MARCHF1: variants seen among roughly 807,000 people sequenced by gnomAD.
MARCHF1 encodes the protein membrane associated ring-CH-type finger 1.
A neutral mutation model predicts 54.2 loss-of-function variants in MARCHF1; 40 were observed. That is an observed-to-expected ratio of 0.74 (90% CI 0.57 to 0.96). The LOEUF is 0.96. Among genes scored for constraint, MARCHF1 ranks in the 40% least tolerant of loss-of-function variants. MARCHF1 has a pLI of 0.00. For missense variants in MARCHF1, 586 were observed against 656.5 expected (o/e 0.89, Z 1.17); for synonymous variants, 236 against 236.3 (o/e 1.00, Z 0.01).
chr4:163,613,075 A>G, intron 6 of MARCHF1, 37 bp from the exon 7 acceptor site: 4 of 1,443,038 alleles, frequency 2.8e-6, no homozygotes, highest in Non-Finnish European at 3.6e-6. Context: ...GGAAATGGGA[A>G]TGGAGAGGAA....
At chr4:164,203,607 C>G (rs892320169) in intron 1 of MARCHF1, among the ~76,000 whole-genome samples, 1 of 152,126 alleles carries the variant, frequency 6.6e-6, no homozygotes, top group African/African-American at 2.4e-5. Context: ...ACTACCCTCA[C>G]CCTGTGCCAA....
chr4:163,561,560 A>T (rs772082350), intron 8 of MARCHF1, among the ~76,000 whole-genome samples: 3 of 152,212 alleles, frequency 2.0e-5, no homozygotes, highest in Non-Finnish European at 4.4e-5. Context: ...AAATTATACC[A>T]AATTATTTCA....
intron 3 of MARCHF1, among the ~76,000 whole-genome samples, chr4:163,881,548 G>GGA (rs1354869763): frequency 6.6e-6 from 1 of 152,232 alleles, no homozygotes; most frequent in African/African-American, 2.4e-5. Flanking sequence ...ATGCACTGGA[G>GGA]GAGAAGTAAT....
chr4:164,326,657 T>G (rs1236092438), intron 1 of MARCHF1, among the ~76,000 whole-genome samples: 1 of 152,168 alleles, frequency 6.6e-6, no homozygotes, highest in Non-Finnish European at 1.5e-5. Flanking sequence ...ATCTGACAAA[T>G]TCAAAGTGCT....
intron 5 of MARCHF1, 189 bp from the exon 6 acceptor site, chr4:163,613,582 G>A (rs184783730): frequency 6.7e-7 from 1 of 1,492,112 alleles, no homozygotes; most frequent in East Asian, 2.4e-5. Context: ...TGAGGAACCT[G>A]GAACAGCTGA....
chr4:164,042,236 T>A (rs1237309512), intron 2 of MARCHF1, among the ~76,000 whole-genome samples: 1 of 152,180 alleles, frequency 6.6e-6, no homozygotes, highest in Non-Finnish European at 1.5e-5. Flanking sequence ...TAGGGATTCA[T>A]TTCTGTATTA....
intron 2 of MARCHF1, among the ~76,000 whole-genome samples, chr4:164,072,945 G>T (rs1754900465): frequency 6.6e-6 from 1 of 152,190 alleles, no homozygotes; most frequent in South Asian, 2.1e-4. Context: ...GTGATATCAA[G>T]CGCAATACAA....
chr4:164,211,288 A>C (rs1731762275), intron 1 of MARCHF1, among the ~76,000 whole-genome samples: 1 of 150,016 alleles, frequency 6.7e-6, no homozygotes, highest in African/African-American at 2.4e-5. Flanking sequence ...GTATATATAT[A>C]TATATATACC....
intron 4 of MARCHF1, among the ~76,000 whole-genome samples, chr4:163,774,661 A>T (rs1429732226): frequency 6.6e-6 from 1 of 151,814 alleles, no homozygotes; most frequent in African/African-American, 2.4e-5. Context: ...AGCCCAGCTA[A>T]TTTTTTCTAT....
chr4:164,243,261 C>G (rs1032370440), intron 1 of MARCHF1, among the ~76,000 whole-genome samples: 6 of 143,006 alleles, frequency 4.2e-5, no homozygotes, highest in Non-Finnish European at 9.1e-5. Flanking sequence ...GGAAGCCCAT[C>G]AGACTAACAG....
rs1037047600 is a variant in MARCHF1, at chr4:163,603,818, C to T, written c.1010+8453G>A. ...ATGGCCAATCTTTCCACTTTAGGTCCTATACCTTCCTACCTTCTCTGTGGG... is the reference window on the plus strand; with the variant it reads ...ATGGCCAATCTTTCCACTTTAGGTCTTATACCTTCCTACCTTCTCTGTGGG... On this transcript the variant is annotated intron_variant, in intron 7 of 9. Coordinates refer to ENST00000514618, the MANE Select transcript of MARCHF1 (RefSeq NM_001394959.1). Among the ~76,000 whole-genome samples the T allele has an allele frequency of 2.6e-5, 4 of 152,100 alleles. No individual in the cohort carries two copies. In the South Asian group the frequency reaches 6.2e-4, roughly 24 times the overall value.
At chr4:163,928,783 A>C (rs1386232489) in intron 3 of MARCHF1, among the ~76,000 whole-genome samples, 1 of 151,966 alleles carries the variant, frequency 6.6e-6, no homozygotes, top group East Asian at 1.9e-4. Context: ...AATCTACTTT[A>C]AGGACTAACT....
intron 7 of MARCHF1, among the ~76,000 whole-genome samples, chr4:163,591,914 C>T (rs982640908): frequency 3.9e-5 from 6 of 152,126 alleles, no homozygotes; most frequent in African/African-American, 1.4e-4. Flanking sequence ...GGAGAAGTAA[C>T]ATACTTCATA....
At chr4:164,063,328 C>G (rs1754660832) in intron 2 of MARCHF1, among the ~76,000 whole-genome samples, 2 of 152,214 alleles carry the variant, frequency 1.3e-5, no homozygotes, top group South Asian at 4.1e-4. Context: ...GTTCCATGTA[C>G]ATTAAATATC....
At chr4:163,927,467 T>C (rs1378029120) in intron 3 of MARCHF1, among the ~76,000 whole-genome samples, 2 of 151,868 alleles carry the variant, frequency 1.3e-5, no homozygotes, top group African/African-American at 4.8e-5. Context: ...AAGGGCTGTT[T>C]TATAACAATG....
At chr4:163,744,689 A>G (rs1339512537) in intron 4 of MARCHF1, among the ~76,000 whole-genome samples, 1 of 152,206 alleles carries the variant, frequency 6.6e-6, no homozygotes, top group East Asian at 1.9e-4. Flanking sequence ...CAGATTTTAC[A>G]AGAAAATGTT....
chr4:163,807,735 A>G (rs1301742930), intron 4 of MARCHF1, among the ~76,000 whole-genome samples: 2 of 152,174 alleles, frequency 1.3e-5, no homozygotes, highest in Non-Finnish European at 2.9e-5. Flanking sequence ...AAATACATAT[A>G]TAACAAATAA....
chr4:163,563,757 A>T (rs1330462518), intron 8 of MARCHF1, among the ~76,000 whole-genome samples: 1 of 152,246 alleles, frequency 6.6e-6, no homozygotes, highest in Non-Finnish European at 1.5e-5. Context: ...AACAATGCAC[A>T]TACCACAATG....
intron 1 of MARCHF1, among the ~76,000 whole-genome samples, chr4:164,191,602 G>A (rs1483214671): frequency 6.6e-6 from 1 of 152,074 alleles, no homozygotes; most frequent in Non-Finnish European, 1.5e-5. Context: ...AACAATTATG[G>A]CGTTAATCAA....
Sources: allele counts gnomAD v4.1 joint callset (sites outside exome capture counted in the v4.1 genomes callset), GRCh38; gene constraint gnomAD v4.1.1; transcripts MANE v1.5; gene names NCBI Gene and HGNC (gene_info 2026-07-23, HGNC 2026-07-21).